FHIT: variants seen among roughly 807,000 people sequenced by gnomAD.
FHIT encodes fragile histidine triad diadenosine triphosphatase.
In FHIT, 19 loss-of-function variants were observed where a neutral mutation model predicts 17.9. That is an observed-to-expected ratio of 1.06 (90% confidence interval 0.74 to 1.56). The LOEUF (loss-of-function observed/expected upper bound fraction) is 1.56, where lower values mean the gene tolerates loss of function less well. Among genes scored for constraint, FHIT ranks in the 40% most tolerant of loss-of-function variants. The pLI is 0.00. For synonymous variants in FHIT, 81 were observed against 69.7 expected, an observed-to-expected ratio of 1.16 and a Z score of -0.81; for missense variants, 248 against 189.2, an observed-to-expected ratio of 1.31 and a Z score of -1.82.
At chr3:59,895,759 T>A (rs1392313442) in intron 8 of FHIT, among the ~76,000 whole-genome samples, 1 of 152,250 alleles carries the variant, frequency 6.6e-6, no homozygotes, top group Non-Finnish European at 1.5e-5. Context: ...AATAACCATA[T>A]GTCCTGTTAA....
At chr3:59,998,188 C>G (rs1168391834) in intron 7 of FHIT, among the ~76,000 whole-genome samples, 1 of 152,106 alleles carries the variant, frequency 6.6e-6, no homozygotes, top group African/African-American at 2.4e-5. Context: ...AATCTAGCCA[C>G]CGGTGTGCTT....
At chr3:59,924,125 G>A (rs1484719871) in intron 7 of FHIT, among the ~76,000 whole-genome samples, 2 of 152,114 alleles carry the variant, frequency 1.3e-5, no homozygotes, top group Non-Finnish European at 2.9e-5. Flanking sequence ...GTGGGCCTGG[G>A]CTGAAATCTA....
chr3:60,938,335 C>T (rs138738134), intron 3 of FHIT, among the ~76,000 whole-genome samples: 19 of 152,254 alleles, frequency 1.2e-4, no homozygotes, highest in African/African-American at 4.6e-4. Flanking sequence ...TGAAAGTCAT[C>T]CACACTTTAC....
At chr3:60,321,829 C>T (rs1709445325) in intron 5 of FHIT, among the ~76,000 whole-genome samples, 1 of 152,178 alleles carries the variant, frequency 6.6e-6, no homozygotes, top group African/African-American at 2.4e-5. Flanking sequence ...TAAGATGGCG[C>T]CTTCTTGAAG....
chr3:60,595,577 A>G (rs1318500951), intron 4 of FHIT, among the ~76,000 whole-genome samples: 1 of 151,428 alleles, frequency 6.6e-6, no homozygotes, highest in African/African-American at 2.4e-5. Flanking sequence ...ATATATATAT[A>G]CGCACATACG....
intron 4 of FHIT, among the ~76,000 whole-genome samples, chr3:60,673,901 C>G (rs371609005): frequency 1.8e-4 from 28 of 151,946 alleles, no homozygotes; most frequent in African/African-American, 6.3e-4. Flanking sequence ...TTGTTTTTAT[C>G]CTGCTTTGGT....
At chr3:60,443,775 A>T (rs1460737831) in intron 5 of FHIT, among the ~76,000 whole-genome samples, 1 of 152,102 alleles carries the variant, frequency 6.6e-6, no homozygotes, top group Non-Finnish European at 1.5e-5. Flanking sequence ...TATCAGGATG[A>T]TGCCGGCCTC....
At chr3:60,825,031 T>C (rs1321301380) in intron 3 of FHIT, among the ~76,000 whole-genome samples, 1 of 152,170 alleles carries the variant, frequency 6.6e-6, no homozygotes, top group African/African-American at 2.4e-5. Flanking sequence ...CTAGTTAACA[T>C]GAAAAAGACT....
chr3:60,762,898 T>A (rs1442970670), intron 4 of FHIT, among the ~76,000 whole-genome samples: 1 of 152,170 alleles, frequency 6.6e-6, no homozygotes, highest in African/African-American at 2.4e-5. Flanking sequence ...AACCTGCAGA[T>A]TTTGGACTGA....
At chr3:60,002,080 C>T (rs1276140455) in intron 7 of FHIT, among the ~76,000 whole-genome samples, 3 of 152,112 alleles carry the variant, frequency 2.0e-5, no homozygotes, top group Non-Finnish European at 4.4e-5. Context: ...TTTGTTAACT[C>T]AATGTTGTTT....
chr3:61,133,968 A>G (rs2106965054), intron 2 of FHIT, among the ~76,000 whole-genome samples: 1 of 152,218 alleles, frequency 6.6e-6, no homozygotes, highest in East Asian at 1.9e-4. Flanking sequence ...GGCACCTGTA[A>G]TCCCAGCTAC....
At chr3:60,761,082 G>A (rs752923575) in intron 4 of FHIT, among the ~76,000 whole-genome samples, 17 of 152,012 alleles carry the variant, frequency 1.1e-4, no homozygotes, top group Non-Finnish European at 2.2e-4. Context: ...CAGAAGAAGG[G>A]GGAGGGGGGA....
chr3:60,187,040 G>A (rs1376376205), intron 5 of FHIT, among the ~76,000 whole-genome samples: 1 of 152,138 alleles, frequency 6.6e-6, no homozygotes, highest in Non-Finnish European at 1.5e-5. Context: ...CTCGTGATTA[G>A]AGCTTACTTA....
rs185515337 is a variant in FHIT, at chr3:60,357,801, C to T, written c.103+179059G>A. ...TATGTTCTACTGGTAATTTTCACAA[C>T]GCTTAATCACATGGCCATCATAGTC... On this transcript the variant is annotated intron_variant, in intron 5 of 9. Transcript: ENST00000492590. 3.8e-3 allele frequency among the ~76,000 whole-genome samples: 520 copies of T among 136,332 alleles called. 6 individuals carry two copies. The highest frequency in any genetic ancestry group is 0.012 in the African/African-American group (494 of 40,692). 89.4% of individuals were successfully genotyped at this position (136,332 alleles called of 152,430 possible). A position where few individuals can be genotyped will look rare whatever the true frequency, so the allele number is the denominator to read the frequency against.
intron 3 of FHIT, among the ~76,000 whole-genome samples, chr3:61,030,820 T>G (rs891698581): frequency 7.9e-5 from 12 of 152,114 alleles, no homozygotes; most frequent in African/African-American, 1.7e-4. Context: ...CTGCCCGGGA[T>G]GGGGGCAGGG....
At chr3:60,651,021 C>T (rs1438278345) in intron 4 of FHIT, among the ~76,000 whole-genome samples, 8 of 151,924 alleles carry the variant, frequency 5.3e-5, no homozygotes, top group Admixed American at 4.6e-4. Flanking sequence ...CTAAATTATA[C>T]CTAAGCATTT....
At chr3:60,875,318 C>T (rs1247991618) in intron 3 of FHIT, among the ~76,000 whole-genome samples, 2 of 152,162 alleles carry the variant, frequency 1.3e-5, no homozygotes, top group African/African-American at 2.4e-5. Context: ...CTTGGGCTAC[C>T]CTGTTACAAT....
intron 8 of FHIT, among the ~76,000 whole-genome samples, chr3:59,763,355 G>A (rs760404382): frequency 4.6e-5 from 7 of 152,186 alleles, no homozygotes; most frequent in African/African-American, 1.2e-4. Context: ...CACACAGCAC[G>A]CAACCAATAA....
intron 8 of FHIT, among the ~76,000 whole-genome samples, chr3:59,853,684 G>C (rs1702032300): frequency 1.3e-5 from 2 of 152,058 alleles, no homozygotes; most frequent in Admixed American, 1.3e-4. Context: ...ATTCTATTGT[G>C]GGTGTGCATG....
Sources: allele counts gnomAD v4.1 joint callset (sites outside exome capture counted in the v4.1 genomes callset), GRCh38; gene constraint gnomAD v4.1.1; transcripts MANE v1.5; gene names NCBI Gene and HGNC (gene_info 2026-07-23, HGNC 2026-07-21).